COL16A1: variants seen among roughly 807,000 people sequenced by gnomAD.
COL16A1 encodes the protein collagen type XVI alpha 1 chain, also known as collagen alpha-1(XVI) chain.
In COL16A1, 189 loss-of-function variants were observed where a neutral mutation model predicts 266.3. The ratio of observed to expected loss-of-function variants is 0.71; its 90% confidence interval spans 0.63 to 0.80. The LOEUF (loss-of-function observed/expected upper bound fraction) is 0.80, where lower values mean the gene tolerates loss of function less well. Ranked by LOEUF, COL16A1 falls within the 30% of genes least tolerant of loss-of-function variation. COL16A1 has a pLI of 0.00. For synonymous variants in COL16A1, 740 were observed against 782.3 expected, an observed-to-expected ratio of 0.95 and a Z score of 0.90; for missense variants, 1,928 against 2,122.4, an observed-to-expected ratio of 0.91 and a Z score of 1.80.
chr1:31,668,893 C>T lies in COL16A1; in HGVS notation c.3196-38G>A, dbSNP rs371454271. The T allele has an allele frequency of 7.7e-5, 123 of 1,590,738 alleles. No homozygotes were observed. The highest frequency in any genetic ancestry group is 8.9e-5 in the Non-Finnish European group (104 of 1,163,858). On this transcript the variant is annotated intron_variant, in intron 49 of 70. Coordinates refer to ENST00000373672, the MANE Select transcript of COL16A1 (RefSeq NM_001856.4). This position sits in a 1 kb window ranked among gnomAD's most constrained non-coding sequence, Gnocchi z 5.8. ...AATCATGAGAAACTGCAGGAGCCGG[C>T]GGTCCCCACCCAGCCCCTGACTCCT...
At position 31,658,967 on chromosome 1, in the gene COL16A1, A is replaced by G. The variant is rs754941515; in HGVS notation, c.3880-3T>C. ...TGGCCTGGAGGCCCTGGTGGCCCCT[A>G]AAGAGAGATGAGTCAGTGGGATAGA... On this transcript the variant is annotated splice_polypyrimidine_tract_variant and splice_region_variant and intron_variant, in intron 62 of 70. Coordinates refer to ENST00000373672, the MANE Select transcript of COL16A1 (RefSeq NM_001856.4). The G allele has an allele frequency of 8.4e-6, 13 of 1,553,488 alleles. No homozygotes were observed. Among genetic ancestry groups the G allele is most frequent in the Non-Finnish European group, 1.1e-5 (13 of 1,148,060 alleles).
chr1:31,695,032 G>A lies in COL16A1; in HGVS notation c.981+154C>T, dbSNP rs544532764. ...CCTGGCTTGGTGGAGATGGCAGTGG[G>A]GGTTAAGCCCGGCTCTGGGAGATGG... On this transcript the variant is annotated intron_variant, in intron 11 of 70. Coordinates refer to ENST00000373672, the MANE Select transcript of COL16A1 (RefSeq NM_001856.4). The A allele has an allele frequency of 3.8e-5, 29 of 757,444 alleles. No individual in the cohort carries two copies. In the Middle Eastern group the frequency reaches 1.1e-3, roughly 28 times the overall value. The allele number at this position is 757,444 out of a possible 1,614,324, so 46.9% of individuals were successfully genotyped here. A position where few individuals can be genotyped will look rare whatever the true frequency, so the allele number is the denominator to read the frequency against.
intron 19 of COL16A1, 94 bp from the exon 20 acceptor site, chr1:31,691,320 T>C: frequency 2.5e-6 from 4 of 1,590,688 alleles, no homozygotes; most frequent in Non-Finnish European, 3.4e-6. Flanking sequence ...CCAGGATCCC[T>C]GGGACAGAGC....
intron 47 of COL16A1, among the ~76,000 whole-genome samples, chr1:31,671,900 T>C (rs1306584792): frequency 6.6e-6 from 1 of 152,126 alleles, no homozygotes; most frequent in Non-Finnish European, 1.5e-5. Flanking sequence ...GATCACAGCA[T>C]AAACAAAATA....
At position 31,688,538 on chromosome 1, in the gene COL16A1, C is replaced by T. The variant is rs770062159; in HGVS notation, c.1768-36G>A. ...ACCAAGACAGAGTCTCAGCATCTCC[C>T]CACTCCCACCTCTCCAAGGCTCCCC... is the stretch of plus-strand genomic sequence containing the variant. On this transcript the variant is annotated intron_variant, in intron 25 of 70. Coordinates refer to ENST00000373672, the MANE Select transcript of COL16A1 (RefSeq NM_001856.4). This position sits in a 1 kb window ranked among gnomAD's most constrained non-coding sequence, Gnocchi z 4.9. The T allele has an allele frequency of 2.0e-5, 32 of 1,613,942 alleles. No homozygotes were observed. The highest frequency in any genetic ancestry group is 2.7e-5 in the Non-Finnish European group (32 of 1,179,974).
chr1:31,669,347 G>A (rs1394430598), intron 49 of COL16A1, among the ~76,000 whole-genome samples: 1 of 151,764 alleles, frequency 6.6e-6, no homozygotes, highest in Non-Finnish European at 1.5e-5. Context: ...TCACTTTCTT[G>A]GAGGGAGGCA....
At position 31,699,815 on chromosome 1, in the gene COL16A1, C is replaced by G. The variant is rs200053034; in HGVS notation, c.264G>C (p.Thr88=). ...AGTGGTCACATGGATGCATTTACCG[C>G]GTGGGCTGGGTCACGGGGGCCGCCC... ...RLGAAPVTQP[T]RRVFPRGLPE... is the part of the protein sequence containing the mutation. Residue 88 remains threonine (T), a splice_region_variant and synonymous_variant, in exon 4 of 71, where the codon ACG becomes ACC. Transcript: ENST00000373672. 1.3e-6 allele frequency: 2 copies of G among 1,591,908 alleles called. No individual in the cohort carries two copies. The highest frequency in any genetic ancestry group is 2.2e-5 in the South Asian group (2 of 90,596).
Position 31,668,128 on chromosome 1 carries a change from C to G in COL16A1, c.3303+37G>C. On this transcript the variant is annotated intron_variant, in intron 51 of 70. Transcript: ENST00000373672. The surrounding 1 kb of genome is among the most constrained non-coding windows in gnomAD (Gnocchi z 5.8). ...GACCACCAGCCCAAACCTCTGGTAC[C>G]TGGCACCCACTCCCCAGCAAGGGTC... The G allele has an allele frequency of 6.3e-7, 1 of 1,583,490 alleles. No homozygotes were observed. The highest frequency in any genetic ancestry group is 8.6e-7 in the Non-Finnish European group (1 of 1,160,444).
intron 42 of COL16A1, among the ~76,000 whole-genome samples, chr1:31,675,559 G>A (rs914823461): frequency 1.4e-4 from 21 of 152,220 alleles, no homozygotes; most frequent in Admixed American, 1.2e-3. Context: ...ACATCAGAGG[G>A]AAGGTCAGAA....
rs1643818050 is a variant in COL16A1, at chr1:31,683,742, G to C, written c.2344C>G (p.Pro782Ala). 1 of 1,613,974 alleles carries C rather than the reference G, an allele frequency of 6.2e-7. No homozygotes were observed. The highest frequency in any genetic ancestry group is 1.1e-5 in the South Asian group (1 of 91,084). The change falls in exon 34 of 71, where the codon CCA (proline) becomes GCA (alanine). Residue 782 changes from proline (P) to alanine (A), a missense_variant. By Grantham distance (27) the Pro-to-Ala change is conservative (BLOSUM62 -1). Around this residue, in one of 2 missense-constraint regions of COL16A1, gnomAD observed 1,552 missense variants for 1,637.2 expected, o/e 0.95. Coordinates refer to ENST00000373672, the MANE Select transcript of COL16A1 (RefSeq NM_001856.4). ...PPGLKGVQGE[P>A]GPPGRGVQGP... ...TGGACTCCCCTTCCTGGAGGCCCTG[G>C]CTCTCCCTGAAGAGGCAGAAGGACA...
Position 31,683,242 on chromosome 1 carries a change from A to G in COL16A1, c.2421T>C (p.Leu807=), listed in dbSNP as rs368386073. 1.4e-5 allele frequency: 23 copies of G among 1,614,136 alleles called. No homozygotes were observed. In the East Asian group the frequency reaches 3.6e-4, roughly 25 times the overall value. Residue 807 remains leucine (L), a synonymous_variant, in exon 36 of 71, where the codon CTT becomes CTC. Coordinates refer to ENST00000373672, the MANE Select transcript of COL16A1 (RefSeq NM_001856.4). ...GAPGLPGIQG[L]PGPRGPPGPT... ...GGCCAGGTGGTCCCCGAGGTCCCGG[A>G]AGTCCCTGCAGATGGAAGCACAGTT...
chr1:31,668,823 C>G lies in COL16A1; in HGVS notation c.3228G>C (p.Leu1076=), dbSNP rs762212320. The G allele has an allele frequency of 6.2e-6, 10 of 1,613,800 alleles. No homozygotes were observed. The African/African-American group carries it at 1.2e-4, about 19-fold the overall frequency. The part of the protein sequence containing the change: ...GLQGERGLTG[L]TGDKGEPGPP... ...TTACCGGCTCCCCCTTGTCTCCAGT[C>G]AGGCCCGTGAGACCTCGCTCTCCTT... The change falls in exon 50 of 71, where the codon CTG becomes CTC. Residue 1076 remains leucine (L), a synonymous_variant. Transcript: ENST00000373672. The surrounding 1 kb of genome is among the most constrained non-coding windows in gnomAD (Gnocchi z 5.8).
In COL16A1 at chr1:31,657,211, G is replaced by A; in HGVS notation, c.4021-143C>T. The A allele has an allele frequency of 9.6e-7, 1 of 1,040,828 alleles. No homozygotes were observed. The allele number at this position is 1,040,828 out of a possible 1,614,324, so 64.5% of individuals were successfully genotyped here. A position where few individuals can be genotyped will look rare whatever the true frequency, so the allele number is the denominator to read the frequency against. Reference sequence around the variant, plus strand: ...CAGCCCTCACCCTCTGACAATCTGGGCACAGGCCGTGGAAACTTAGACCCC... The same window carrying A: ...CAGCCCTCACCCTCTGACAATCTGGACACAGGCCGTGGAAACTTAGACCCC... On this transcript the variant is annotated intron_variant, in intron 64 of 70. Transcript: ENST00000373672. The surrounding 1 kb of genome is among the most constrained non-coding windows in gnomAD (Gnocchi z 6.4).
chr1:31,699,900 ATG>A lies in COL16A1; in HGVS notation c.177_178del (p.Met60GlufsTer153). On this transcript the variant is annotated frameshift_variant, in exon 4 of 71. Transcript: ENST00000373672. LOFTEE classifies it high-confidence loss of function. Reference sequence around the variant, plus strand: ...GATCTTCTTGATGGCAGACGTCTTCATGAGGCTGAGTCGGTGGATGAGGTTGA... The same window carrying A: ...GATCTTCTTGATGGCAGACGTCTTCAAGGCTGAGTCGGTGGATGAGGTTGA... The A allele has an allele frequency of 6.2e-7, 1 of 1,613,914 alleles. No homozygotes were observed.
In COL16A1 at chr1:31,656,944, T is replaced by C. The variant is rs1220927760; in HGVS notation, c.4056+89A>G. 6.4e-7 allele frequency: 1 copy of C among 1,565,380 alleles called. No homozygotes were observed. Among genetic ancestry groups the C allele is most frequent in the Non-Finnish European group, 8.8e-7 (1 of 1,136,794 alleles). ...AGAGACAGCCCGTACATAGAAGGAA[T>C]GTTTACTGAAAAAAATGAAGAGGGG... On this transcript the variant is annotated intron_variant, in intron 65 of 70. Coordinates refer to ENST00000373672, the MANE Select transcript of COL16A1 (RefSeq NM_001856.4). The surrounding 1 kb of genome is among the most constrained non-coding windows in gnomAD (Gnocchi z 4.2).
At chr1:31,694,528 A>G (rs1423622015) in intron 11 of COL16A1, among the ~76,000 whole-genome samples, 1 of 152,072 alleles carries the variant, frequency 6.6e-6, no homozygotes, top group Non-Finnish European at 1.5e-5. Flanking sequence ...CAGGGAGCCT[A>G]GGAGGTACTC....
intron 42 of COL16A1, among the ~76,000 whole-genome samples, chr1:31,675,979 A>G (rs1643148035): frequency 1.3e-5 from 2 of 152,216 alleles, no homozygotes; most frequent in African/African-American, 4.8e-5. Context: ...TAATCATCAC[A>G]GCTATCTTGT....
Position 31,652,559 on chromosome 1 carries a change from CA to C in COL16A1, c.*91del, listed in dbSNP as rs964605624. 2.6e-5 allele frequency: 32 copies of C among 1,237,462 alleles called. No homozygotes were observed. The African/African-American group carries it at 2.8e-4, about 11-fold the overall frequency. The allele number at this position is 1,237,462 out of a possible 1,614,324, so 76.7% of individuals were successfully genotyped here. Reference sequence around the variant, plus strand: ...CAGCAATTAAAAACAACAACAACAACAAAAAAAACATTCACAACCTGTCACA... The same window carrying C: ...CAGCAATTAAAAACAACAACAACAACAAAAAAACATTCACAACCTGTCACA... On this transcript the variant is annotated 3_prime_UTR_variant, in exon 71 of 71. Coordinates refer to ENST00000373672, the MANE Select transcript of COL16A1 (RefSeq NM_001856.4). The surrounding 1 kb of genome is among the most constrained non-coding windows in gnomAD (Gnocchi z 4.8).
rs1450956713 is a variant in COL16A1 at position 31,658,961 on chromosome 1, G to A, written c.3883C>T (p.Pro1295Ser). 6.4e-7 allele frequency: 1 copy of A among 1,553,940 alleles called. No individual in the cohort carries two copies. The highest frequency in any genetic ancestry group is 8.7e-7 in the Non-Finnish European group (1 of 1,148,236). ...GRPGPPGHVG[P>S]PGPPGQPGPA... is the part of the protein sequence containing the mutation. ...CCTGGCTGGCCTGGAGGCCCTGGTG[G>A]CCCCTAAAGAGAGATGAGTCAGTGG... is the stretch of plus-strand genomic sequence containing the variant. The change falls in exon 63 of 71, where the codon CCA becomes TCA. Residue 1295 changes from proline to serine, a missense_variant. Pro to Ser is a moderately conservative substitution (Grantham distance 74). Coordinates refer to ENST00000373672, the MANE Select transcript of COL16A1 (RefSeq NM_001856.4).
Sources: allele counts gnomAD v4.1 joint callset (sites outside exome capture counted in the v4.1 genomes callset), GRCh38; gene constraint gnomAD v4.1.1; regional missense constraint gnomAD v4.1.1; non-coding constraint Gnocchi (gnomAD v3.1); transcripts MANE v1.5; gene names NCBI Gene and HGNC (gene_info 2026-07-23, HGNC 2026-07-21).